NEBL: variants seen among roughly 807,000 people sequenced by gnomAD.
NEBL encodes the protein nebulette, also known as LIM and SH3 protein 2.
In NEBL, 122 loss-of-function variants were observed where a neutral mutation model predicts 140.2. That is an observed-to-expected ratio of 0.87 (90% confidence interval 0.75 to 1.01). NEBL has a LOEUF of 1.01. Among genes scored for constraint, NEBL ranks in the 50% least tolerant of loss-of-function variants. NEBL has a pLI of 0.00. For missense variants in NEBL, 1,365 were observed against 1,231.3 expected (o/e 1.11, Z -1.62); for synonymous variants, 436 against 398.9 (o/e 1.09, Z -1.11).
At chr10:21,179,022 G>C (rs958607528), upstream of NEBL, among the ~76,000 whole-genome samples, 5 of 152,230 alleles carry the variant, frequency 3.3e-5, no homozygotes, top group African/African-American at 1.2e-4. Context: ...ATGTGATTAA[G>C]TTAAGAATGT....
chr10:20,997,829 C>T (rs1837734625), intron 3 of NEBL, among the ~76,000 whole-genome samples: 2 of 152,152 alleles, frequency 1.3e-5, no homozygotes, highest in South Asian at 2.1e-4. Flanking sequence ...GCTCAGAAAA[C>T]ATGAGGACAT....
chr10:21,101,811 T>A (rs1034426936), intron 2 of NEBL, among the ~76,000 whole-genome samples: 1 of 152,144 alleles, frequency 6.6e-6, no homozygotes, highest in African/African-American at 2.4e-5. Flanking sequence ...TGTAATAAGA[T>A]CTACCACTTA....
At chr10:21,267,794 T>C (rs1259197732) in intron 1 of NEBL, among the ~76,000 whole-genome samples, 1 of 152,260 alleles carries the variant, frequency 6.6e-6, no homozygotes, top group Non-Finnish European at 1.5e-5. Context: ...TCGTCAGTTG[T>C]ACTGGCCACA....
intron 3 of NEBL, among the ~76,000 whole-genome samples, chr10:21,198,998 A>C (rs1293670205): frequency 6.6e-6 from 1 of 151,264 alleles, no homozygotes; most frequent in Non-Finnish European, 1.5e-5. Context: ...ATTTATTTTT[A>C]TTTTTATTTT....
chr10:21,211,039 G>A (rs745435741), intron 3 of NEBL, among the ~76,000 whole-genome samples: 18 of 152,024 alleles, frequency 1.2e-4, no homozygotes, highest in South Asian at 2.1e-4. Flanking sequence ...CCTCAGTCAC[G>A]TTTTCTTTGA....
At chr10:21,017,432 T>G (rs1487215296) in intron 3 of NEBL, among the ~76,000 whole-genome samples, 2 of 152,166 alleles carry the variant, frequency 1.3e-5, no homozygotes, top group Non-Finnish European at 2.9e-5. Context: ...ATCTGATGTC[T>G]TCCCCTGACT....
intron 5 of NEBL, among the ~76,000 whole-genome samples, chr10:20,877,018 A>T (rs1343215517): frequency 1.3e-5 from 2 of 152,210 alleles, no homozygotes; most frequent in Non-Finnish European, 2.9e-5. Flanking sequence ...CGACCTAAAC[A>T]TTTCTTAACA....
At chr10:20,822,068 T>C (rs939351647) in intron 19 of NEBL, among the ~76,000 whole-genome samples, 15 of 152,190 alleles carry the variant, frequency 9.9e-5, no homozygotes, top group South Asian at 8.3e-4. Flanking sequence ...TTACTTATGA[T>C]TAAATGAGAT....
At chr10:21,153,737 A>T (rs1398700423) in intron 2 of NEBL, among the ~76,000 whole-genome samples, 1 of 151,992 alleles carries the variant, frequency 6.6e-6, no homozygotes, top group East Asian at 1.9e-4. Flanking sequence ...GCTGGTCTCG[A>T]ACTCCTGACC....
At chr10:21,001,210 CA>C (rs1359805590) in intron 3 of NEBL, among the ~76,000 whole-genome samples, 1 of 152,144 alleles carries the variant, frequency 6.6e-6, no homozygotes, top group Non-Finnish European at 1.5e-5. Flanking sequence ...CCGCCAGAGA[CA>C]AAAAGCTAAC....
At chr10:20,995,820 T>C (rs1589119644) in intron 3 of NEBL, among the ~76,000 whole-genome samples, 1 of 152,136 alleles carries the variant, frequency 6.6e-6, no homozygotes, top group African/African-American at 2.4e-5. Context: ...TAATTATTTC[T>C]GAGTGGGGAA....
intron 1 of NEBL, among the ~76,000 whole-genome samples, chr10:21,269,511 G>T (rs1842836383): frequency 6.6e-6 from 1 of 152,164 alleles, no homozygotes; most frequent in South Asian, 2.1e-4. Context: ...TCCAAAGCAG[G>T]CCAATTTGTC....
At chr10:20,947,034 AG>A (rs1255774516) in intron 4 of NEBL, among the ~76,000 whole-genome samples, 5 of 152,210 alleles carry the variant, frequency 3.3e-5, no homozygotes, top group African/African-American at 1.2e-4. Context: ...CCAGGAGTAC[AG>A]GGTGCATCCT....
intron 26 of NEBL, among the ~76,000 whole-genome samples, chr10:20,797,189 G>C: frequency 6.6e-6 from 1 of 152,162 alleles, no homozygotes; most frequent in Non-Finnish European, 1.5e-5. Context: ...TGTCCATGTT[G>C]TATAAATCAA....
chr10:21,258,896 T>C (rs1842699661), intron 1 of NEBL, among the ~76,000 whole-genome samples: 1 of 152,042 alleles, frequency 6.6e-6, no homozygotes, highest in African/African-American at 2.4e-5. Flanking sequence ...AGGACCTGCA[T>C]TGGGTCAGGC....
intron 3 of NEBL, among the ~76,000 whole-genome samples, chr10:21,208,674 T>A (rs1488777715): frequency 6.6e-6 from 1 of 152,150 alleles, no homozygotes; most frequent in Non-Finnish European, 1.5e-5. Flanking sequence ...GTCTCCACTA[T>A]TCCCTATGGC....
chr10:21,172,294 A>T (rs1413396411), intron 2 of NEBL: 2 of 1,001,270 alleles, frequency 2.0e-6, no homozygotes, highest in African/African-American at 3.2e-5. Context: ...TGGGTGACAC[A>T]GTGAGTCAGT....
intron 2 of NEBL, among the ~76,000 whole-genome samples, chr10:21,085,015 T>A (rs1252966797): frequency 6.6e-6 from 1 of 152,216 alleles, no homozygotes. Flanking sequence ...TGATTTCCTC[T>A]AGCCTATGGT....
chr10:20,863,014 AG>A (rs1444990408), intron 7 of NEBL, among the ~76,000 whole-genome samples: 1 of 152,208 alleles, frequency 6.6e-6, no homozygotes, highest in Non-Finnish European at 1.5e-5. Context: ...AATACTGTAT[AG>A]GTATATAGGA....
Sources: allele counts gnomAD v4.1 joint callset (sites outside exome capture counted in the v4.1 genomes callset), GRCh38; gene constraint gnomAD v4.1.1; transcripts MANE v1.5; gene names NCBI Gene and HGNC (gene_info 2026-07-23, HGNC 2026-07-21).